SLC16A10: variants seen among roughly 807,000 people sequenced by gnomAD.
SLC16A10 encodes solute carrier family 16 member 10.
Under a neutral mutation model 40.0 loss-of-function variants are expected in SLC16A10, and 27 were observed. That is an observed-to-expected ratio of 0.67 (90% CI 0.50 to 0.93). SLC16A10 has a LOEUF of 0.93. Among genes scored for constraint, SLC16A10 ranks in the 40% least tolerant of loss-of-function variants. SLC16A10 has a pLI of 0.00. For synonymous variants in SLC16A10, 213 were observed against 249.8 expected (o/e 0.85, Z 1.39); for missense variants, 529 against 658.2 (o/e 0.80, Z 2.15).
intron 1 of SLC16A10, among the ~76,000 whole-genome samples, chr6:111,113,332 T>G (rs112480718): frequency 6.6e-6 from 1 of 152,168 alleles, no homozygotes; most frequent in Non-Finnish European, 1.5e-5. Context: ...GTGTCCTCTG[T>G]GAAAAGTAAG....
At chr6:111,112,884 A>G (rs1423039272) in intron 1 of SLC16A10, among the ~76,000 whole-genome samples, 1 of 152,162 alleles carries the variant, frequency 6.6e-6, no homozygotes, top group Non-Finnish European at 1.5e-5. Context: ...TAATCTTCCA[A>G]TAATTTATGT....
chr6:111,168,059 A>G (rs1772510780), intron 1 of SLC16A10, among the ~76,000 whole-genome samples: 1 of 151,888 alleles, frequency 6.6e-6, no homozygotes, highest in Non-Finnish European at 1.5e-5. Flanking sequence ...AGCTCACTGG[A>G]AACTCCACCT....
At chr6:111,114,083 C>T (rs1298562582) in intron 1 of SLC16A10, among the ~76,000 whole-genome samples, 1 of 152,168 alleles carries the variant, frequency 6.6e-6, no homozygotes, top group Admixed American at 6.5e-5. Flanking sequence ...TCTTTCTCTT[C>T]TCTCCCTCTT....
At chr6:111,183,864 T>C (rs1013353454) in intron 3 of SLC16A10, among the ~76,000 whole-genome samples, 2 of 152,146 alleles carry the variant, frequency 1.3e-5, no homozygotes, top group African/African-American at 2.4e-5. Context: ...GTGGTGTGTT[T>C]AAGAATAGGA....
intron 1 of SLC16A10, among the ~76,000 whole-genome samples, chr6:111,127,612 A>C (rs193021081): frequency 6.6e-6 from 1 of 152,324 alleles, no homozygotes; most frequent in East Asian, 1.9e-4. Context: ...TGTGACATAC[A>C]ACTAGTGGTG....
Position 111,094,627 on chromosome 6 carries a change from G to A in SLC16A10, c.343+6532G>A, listed in dbSNP as rs182706879. On this transcript the variant is annotated intron_variant, in intron 1 of 5. Transcript: ENST00000368851. ...CTTTCACTACTGTGTCTTAATTCAT[G>A]CCTTCATTTACTTTTTATTTTATTT... Among the ~76,000 whole-genome samples the A allele has an allele frequency of 1.7e-3, 253 of 152,004 alleles. 1 individual carries two copies. The highest frequency in any genetic ancestry group is 5.5e-3 in the African/African-American group (227 of 41,452).
At chr6:111,221,909 A>G in intron 5 of SLC16A10, 94 bp from the exon 6 acceptor site, 1 of 1,120,242 alleles carries the variant, frequency 8.9e-7, no homozygotes, top group Non-Finnish European at 1.2e-6. Flanking sequence ...AAAAAGTCTG[A>G]TGTCTGAGAT....
intron 3 of SLC16A10, among the ~76,000 whole-genome samples, chr6:111,178,196 A>G (rs549596276): frequency 1.8e-4 from 28 of 152,206 alleles, no homozygotes; most frequent in Non-Finnish European, 3.7e-4. Context: ...CGAAGGGTGT[A>G]GGTAATTAGC....
At chr6:111,142,186 A>G (rs1268595684) in intron 1 of SLC16A10, among the ~76,000 whole-genome samples, 3 of 152,218 alleles carry the variant, frequency 2.0e-5, no homozygotes, top group Non-Finnish European at 4.4e-5. Flanking sequence ...AGATCGATGG[A>G]ACAGAATAGA....
intron 1 of SLC16A10, among the ~76,000 whole-genome samples, chr6:111,111,720 G>A (rs1771389650): frequency 6.6e-6 from 1 of 152,096 alleles, no homozygotes; most frequent in Non-Finnish European, 1.5e-5. Flanking sequence ...TATGAGATCA[G>A]CCTTTTAAGA....
intron 3 of SLC16A10, among the ~76,000 whole-genome samples, chr6:111,191,262 A>C (rs1002254232): frequency 6.6e-6 from 1 of 152,108 alleles, no homozygotes. Context: ...GAGTGAGAGC[A>C]TGTGGTGTTT....
rs562330860 is a variant in SLC16A10 at position 111,138,103 on chromosome 6, C to A, written c.344-34592C>A. ...ACCAAACCAAACCAAACCAAACAAA[C>A]AAAAAAACAGTGACTGACTTATGGT... On this transcript the variant is annotated intron_variant, in intron 1 of 5. Coordinates refer to ENST00000368851, the MANE Select transcript of SLC16A10 (RefSeq NM_018593.5). 7.8e-4 allele frequency among the ~76,000 whole-genome samples: 119 copies of A among 152,000 alleles called. No homozygotes were observed. The Middle Eastern group carries it at 0.024, about 31-fold the overall frequency.
At chr6:111,190,245 T>TTCAGGGCACATTGATATAAGAGGTGTTC (rs1429426038) in intron 3 of SLC16A10, among the ~76,000 whole-genome samples, 3 of 152,228 alleles carry the variant, frequency 2.0e-5, no homozygotes, top group African/African-American at 7.2e-5. Flanking sequence ...ATGTCTCACA[T>TTCAGGGCACATTGATATAAGAGGTGTTC]TCAGGGCACA....
chr6:111,148,796 C>T (rs1772123112), intron 1 of SLC16A10, among the ~76,000 whole-genome samples: 1 of 152,108 alleles, frequency 6.6e-6, no homozygotes, highest in African/African-American at 2.4e-5. Context: ...GTTTCTTTAT[C>T]GGAACAAGGA....
chr6:111,135,950 A>G (rs977840946), intron 1 of SLC16A10, among the ~76,000 whole-genome samples: 1 of 152,240 alleles, frequency 6.6e-6, no homozygotes, highest in African/African-American at 2.4e-5. Flanking sequence ...CAGGGCCCTC[A>G]GTGAGGAATG....
chr6:111,149,931 C>G (rs1772143802), intron 1 of SLC16A10, among the ~76,000 whole-genome samples: 1 of 151,440 alleles, frequency 6.6e-6, no homozygotes, highest in African/African-American at 2.4e-5. Context: ...GCCTCACCAC[C>G]CATTACTTTG....
At chr6:111,182,286 C>CCACCA (rs1417957375) in intron 3 of SLC16A10, among the ~76,000 whole-genome samples, 1 of 151,134 alleles carries the variant, frequency 6.6e-6, no homozygotes, top group African/African-American at 2.4e-5. Context: ...CGGGTGTGAG[C>CCACCA]CACCACGCCT....
rs1038293661 is a variant in SLC16A10, at chr6:111,087,818, C to G, written c.66C>G (p.Pro22=). The change falls in exon 1 of 6, where the codon CCC becomes CCG. Residue 22 remains proline (P), a synonymous_variant. Transcript: ENST00000368851. Reference sequence around the variant, plus strand: ...CGAGCGAGGCGCAGCCGCTCGGCCCCGCGCCCACGGGGGCCGCTCCGCCGC... The same window carrying G: ...CGAGCGAGGCGCAGCCGCTCGGCCCGGCGCCCACGGGGGCCGCTCCGCCGC... The part of the protein sequence containing the change: ...RGTSEAQPLG[P]APTGAAPPPG... The G allele has an allele frequency of 6.8e-6, 9 of 1,331,416 alleles. No individual in the cohort carries two copies. The African/African-American group carries it at 7.8e-5, about 11-fold the overall frequency. 82.5% of individuals were successfully genotyped at this position (1,331,416 alleles called of 1,614,324 possible).
intron 1 of SLC16A10, among the ~76,000 whole-genome samples, chr6:111,162,812 G>A (rs1191483120): frequency 1.3e-5 from 2 of 152,092 alleles, no homozygotes; most frequent in Non-Finnish European, 2.9e-5. Context: ...ACAAGGATCA[G>A]CAATGTTTTA....
Sources: gnomAD v4.1 joint callset for allele counts (sites outside exome capture counted in the v4.1 genomes callset) on GRCh38, gnomAD v4.1.1 for gene constraint, MANE v1.5 for transcripts, NCBI Gene and HGNC (gene_info 2026-07-23, HGNC 2026-07-21) for gene names.